Variants in BCAS1 observed in about 807,000 individuals in gnomAD.
The protein encoded by BCAS1 is breast carcinoma-amplified sequence 1.
BCAS1 carries 46 observed loss-of-function variants against 65.4 expected under a neutral mutation model. The ratio of observed to expected loss-of-function variants is 0.70; its 90% confidence interval spans 0.55 to 0.90. The LOEUF (loss-of-function observed/expected upper bound fraction) is 0.90, where lower values mean the gene tolerates loss of function less well. BCAS1 is among the 40% of genes least tolerant of loss of function. The pLI is 0.00. For missense variants in BCAS1, 793 were observed against 771.2 expected (o/e 1.03, Z -0.33); for synonymous variants, 298 against 293.5 (o/e 1.02, Z -0.16).
At chr20:54,006,574 G>A (rs1050251930) in intron 4 of BCAS1, among the ~76,000 whole-genome samples, 1 of 152,118 alleles carries the variant, frequency 6.6e-6, no homozygotes, top group Non-Finnish European at 1.5e-5. Context: ...GCTAGGCGTG[G>A]TGGTGCATGC....
chr20:53,995,151 A>T, intron 5 of BCAS1, 95 bp from the exon 6 acceptor site: 1 of 1,016,896 alleles, frequency 9.8e-7, no homozygotes, highest in Non-Finnish European at 1.5e-6. Context: ...GGTCCAGTTC[A>T]CCATACAGGT....
At chr20:53,981,304 C>G (rs1023938191) in intron 8 of BCAS1, among the ~76,000 whole-genome samples, 7 of 152,162 alleles carry the variant, frequency 4.6e-5, no homozygotes, top group African/African-American at 1.7e-4. Context: ...TATGCCCAGA[C>G]TTTCTTAACC....
intron 8 of BCAS1, among the ~76,000 whole-genome samples, chr20:53,984,367 G>A (rs956596104): frequency 1.3e-5 from 2 of 152,202 alleles, no homozygotes; most frequent in Non-Finnish European, 2.9e-5. Context: ...TGAAGACTGT[G>A]TTCTGGGAAG....
chr20:53,971,659 A>C (rs1341597379), intron 9 of BCAS1, among the ~76,000 whole-genome samples: 1 of 152,236 alleles, frequency 6.6e-6, no homozygotes, highest in African/African-American at 2.4e-5. Flanking sequence ...AGAGCCCTGA[A>C]TTAAATTTTA....
intron 12 of BCAS1, among the ~76,000 whole-genome samples, chr20:53,951,592 T>C (rs1375421479): frequency 1.3e-5 from 2 of 152,234 alleles, no homozygotes; most frequent in Non-Finnish European, 2.9e-5. Flanking sequence ...GTAGCATCAA[T>C]CAGGAGCTTT....
Position 53,945,042 on chromosome 20 carries a change from T to A in BCAS1, c.1816-46A>T, listed in dbSNP as rs376245085. On this transcript the variant is annotated intron_variant, in intron 12 of 12. Transcript: ENST00000688948. ...GTGGCAGCCTATTGAAGCTCTGTAA[T>A]GTCAACAGCAACAATGGCCATTTAT... 1.5e-5 allele frequency: 23 copies of A among 1,538,378 alleles called. No homozygotes were observed. The African/African-American group carries it at 2.6e-4, about 17-fold the overall frequency.
Position 54,033,520 on chromosome 20 carries a change from T to C in BCAS1, c.143-4548A>G, listed in dbSNP as rs991303300. ...CAACCATCAGAGAATATTATGAACA[T>C]CTCTATGCACATAAACTAGAAAATC... On this transcript the variant is annotated intron_variant, in intron 3 of 12. Coordinates refer to ENST00000688948, the MANE Select transcript of BCAS1 (RefSeq NM_001366298.2). Among the ~76,000 whole-genome samples, 3 of 151,210 alleles carry C rather than the reference T, an allele frequency of 2.0e-5. No homozygotes were observed. The East Asian group carries it at 5.8e-4, about 29-fold the overall frequency.
chr20:54,046,954 A>G (rs961232432), intron 3 of BCAS1, among the ~76,000 whole-genome samples: 8 of 151,952 alleles, frequency 5.3e-5, no homozygotes, highest in Non-Finnish European at 2.9e-5. Flanking sequence ...GATGGCTGGG[A>G]CGGCTCACAC....
chr20:54,069,765 G>T (rs1173821774), intron 1 of BCAS1, among the ~76,000 whole-genome samples: 1 of 152,230 alleles, frequency 6.6e-6, no homozygotes, highest in Non-Finnish European at 1.5e-5. Flanking sequence ...AGGGCTGAGG[G>T]AACCTGCTCC....
intron 12 of BCAS1, among the ~76,000 whole-genome samples, chr20:53,950,054 G>A (rs911978562): frequency 6.6e-6 from 1 of 152,088 alleles, no homozygotes; most frequent in Non-Finnish European, 1.5e-5. Flanking sequence ...TAAAATCTTC[G>A]AATGTTATCA....
intron 9 of BCAS1, among the ~76,000 whole-genome samples, chr20:53,971,786 T>C (rs2090186149): frequency 6.6e-6 from 1 of 152,214 alleles, no homozygotes; most frequent in African/African-American, 2.4e-5. Flanking sequence ...TTAAGAGAGA[T>C]AAACAACAGA....
chr20:54,011,249 A>C (rs1358223951), intron 4 of BCAS1, among the ~76,000 whole-genome samples: 1 of 152,174 alleles, frequency 6.6e-6, no homozygotes, highest in Non-Finnish European at 1.5e-5. Context: ...CAAAACTAAA[A>C]AATTTTGCCC....
rs115545282 is a variant in BCAS1, at chr20:54,014,873, C to T, written c.723+13519G>A. Among the ~76,000 whole-genome samples the T allele has an allele frequency of 3.0e-3, 454 of 152,224 alleles. 2 individuals are homozygous for T. Among genetic ancestry groups the T allele is most frequent in the African/African-American group, 0.01 (434 of 41,534 alleles). ...CTTCTTCTGAAAACACTGTCACCTG[C>T]GTGTAGCCATTGTCAGATTCAGGAA... On this transcript the variant is annotated intron_variant, in intron 4 of 12. Transcript: ENST00000688948.
rs113343500 is a variant in BCAS1, at chr20:54,039,164, T to C, written c.143-10192A>G. On this transcript the variant is annotated intron_variant, in intron 3 of 12. Coordinates refer to ENST00000688948, the MANE Select transcript of BCAS1 (RefSeq NM_001366298.2). ...GCTTTCTATGTTGTGCAAATGCATTTGTTGTTTTAAAGGTCGTAAAGTCAG... is the reference window on the plus strand; with the variant it reads ...GCTTTCTATGTTGTGCAAATGCATTCGTTGTTTTAAAGGTCGTAAAGTCAG... Among the ~76,000 whole-genome samples, 181 of 151,608 alleles carry C rather than the reference T, an allele frequency of 1.2e-3. 1 individual carries two copies. The highest frequency in any genetic ancestry group is 4.2e-3 in the African/African-American group (174 of 41,512).
intron 9 of BCAS1, among the ~76,000 whole-genome samples, chr20:53,970,920 A>C (rs1241855147): frequency 6.7e-6 from 1 of 149,142 alleles, no homozygotes; most frequent in Non-Finnish European, 1.5e-5. Flanking sequence ...CCTCCCACAG[A>C]TTTTTTTTTT....
At chr20:53,967,241 A>G (rs1435963982) in intron 9 of BCAS1, among the ~76,000 whole-genome samples, 168 bp from the exon 10 acceptor site, 1 of 152,214 alleles carries the variant, frequency 6.6e-6, no homozygotes, top group African/African-American at 2.4e-5. Flanking sequence ...CTTATGTTGT[A>G]CAACGCACCA....
intron 4 of BCAS1, among the ~76,000 whole-genome samples, chr20:54,010,587 A>T (rs1280168979): frequency 6.6e-6 from 1 of 152,220 alleles, no homozygotes; most frequent in African/African-American, 2.4e-5. Flanking sequence ...GAAAGAAATC[A>T]TAGGAGACCT....
rs922679798 is a variant in BCAS1 at position 53,953,544 on chromosome 20, G to A, written c.1703C>T (p.Ala568Val). ...KSNKQEAKEP[A>V]QCTEQATVDT... ...CACCGTGGCCTGCTCTGTGCACTGG[G>A]CTGGTTCTTTGGCTTCCTGCTTGTT... Residue 568 changes from alanine to valine, a missense_variant, in exon 12 of 13, where the codon GCC (alanine) becomes GTC (valine). Transcript: ENST00000688948. 6.2e-7 allele frequency: 1 copy of A among 1,613,772 alleles called. No individual in the cohort carries two copies. The highest frequency in any genetic ancestry group is 1.3e-5 in the African/African-American group (1 of 74,832).
At chr20:54,004,327 CTCCAAAACTGTG>C (rs984314974) in intron 4 of BCAS1, among the ~76,000 whole-genome samples, 6 of 152,296 alleles carry the variant, frequency 3.9e-5, no homozygotes, top group African/African-American at 1.4e-4. Flanking sequence ...GACTTATAGC[CTCCAAAACTGTG>C]AGATATCAAT....
Sources: allele counts gnomAD v4.1 joint callset (sites outside exome capture counted in the v4.1 genomes callset), GRCh38; gene constraint gnomAD v4.1.1; transcripts MANE v1.5; gene names NCBI Gene and HGNC (gene_info 2026-07-23, HGNC 2026-07-21).